The following DDHD1 variants were observed in gnomAD, a reference collection of about 807,000 sequenced individuals.
The protein encoded by DDHD1 is phospholipase DDHD1.
DDHD1 carries 49 observed loss-of-function variants against 96.4 expected under a neutral mutation model. That is an observed-to-expected ratio of 0.51 (90% CI 0.40 to 0.64). The LOEUF (loss-of-function observed/expected upper bound fraction) is 0.64. DDHD1 is among the 30% of genes least tolerant of loss of function. The pLI is 0.00. For synonymous variants in DDHD1, 442 were observed against 446.5 expected, an observed-to-expected ratio of 0.99 and a Z score of 0.13; for missense variants, 1,106 against 1,161.2, an observed-to-expected ratio of 0.95 and a Z score of 0.69.
At chr14:53,053,942 GC>G (rs1327624590) in intron 11 of DDHD1, 2 of 152,238 alleles carry the variant, frequency 1.3e-5, no homozygotes, top group East Asian at 3.8e-4. Flanking sequence ...TTCAATATCT[GC>G]TTTACACTAG....
chr14:53,138,530 G>A (rs1890407256), intron 1 of DDHD1, among the ~76,000 whole-genome samples: 1 of 152,224 alleles, frequency 6.6e-6, no homozygotes, highest in Admixed American at 6.5e-5. Flanking sequence ...TGGCAAAACG[G>A]CTATGAGGAG....
rs754062665 is a variant in DDHD1 at position 53,051,822 on chromosome 14, C to T, written c.2521+22G>A. ...GATCATTTTTATAGTATTCTGAATG[C>T]TATTCCTGACATATACCATACCGAG... On this transcript the variant is annotated intron_variant, in intron 12 of 12. Transcript: ENST00000673822. The T allele has an allele frequency of 1.6e-5, 24 of 1,542,776 alleles. No homozygotes were observed. In the East Asian group the frequency reaches 5.1e-4, roughly 33 times the overall value.
chr14:53,108,375 G>A (rs1423920761), intron 1 of DDHD1, among the ~76,000 whole-genome samples: 1 of 152,110 alleles, frequency 6.6e-6, no homozygotes, highest in African/African-American at 2.4e-5. Flanking sequence ...AACACTCACT[G>A]CATGGCCCAA....
Position 53,104,865 on chromosome 14 carries a change from A to T in DDHD1, c.839-1009T>A, listed in dbSNP as rs145543149. ...ATGCTGGTGGTTTAATCATATAAAG[A>T]GAAATTATTTCAAGTGAATTTAAAA... On this transcript the variant is annotated intron_variant, in intron 1 of 12. Transcript: ENST00000673822. Among the ~76,000 whole-genome samples the T allele has an allele frequency of 2.1e-3, 327 of 152,256 alleles. 1 individual carries two copies. The highest frequency in any genetic ancestry group is 7.4e-3 in the African/African-American group (308 of 41,580).
At chr14:53,065,702 T>A (rs1883957525) in intron 6 of DDHD1, among the ~76,000 whole-genome samples, 1 of 152,178 alleles carries the variant, frequency 6.6e-6, no homozygotes, top group African/African-American at 2.4e-5. Flanking sequence ...TCAGCAATGA[T>A]CTAATTTAAA....
chr14:53,150,428 C>T (rs1000774070), intron 1 of DDHD1, among the ~76,000 whole-genome samples: 1 of 152,196 alleles, frequency 6.6e-6, no homozygotes, highest in African/African-American at 2.4e-5. Flanking sequence ...TTCGCTGAGC[C>T]CATTTCTTCA....
At chr14:53,058,348 C>A in intron 9 of DDHD1, 129 bp downstream of exon 9, 1 of 1,041,422 alleles carries the variant, frequency 9.6e-7, no homozygotes. Flanking sequence ...CTCCTGACCT[C>A]AGATGATGCG....
At chr14:53,123,496 C>T (rs1334014692) in intron 1 of DDHD1, among the ~76,000 whole-genome samples, 1 of 152,024 alleles carries the variant, frequency 6.6e-6, no homozygotes, top group Non-Finnish European at 1.5e-5. Context: ...AACAAACAAA[C>T]CTGCAAACAA....
At chr14:53,113,520 G>C (rs965691000) in intron 1 of DDHD1, among the ~76,000 whole-genome samples, 5 of 151,938 alleles carry the variant, frequency 3.3e-5, no homozygotes, top group Non-Finnish European at 4.4e-5. Flanking sequence ...GCAGAAGGAG[G>C]GTGATTTCTG....
intron 9 of DDHD1, among the ~76,000 whole-genome samples, chr14:53,057,227 G>C (rs144247665): frequency 2.6e-5 from 4 of 152,196 alleles, no homozygotes; most frequent in African/African-American, 9.6e-5. Flanking sequence ...TCCTTTAAAA[G>C]ACTTTCCACA....
rs949562060 is a variant in DDHD1 at position 53,041,140 on chromosome 14, T to C, written c.*5628A>G. ...AGGAGAAAGCAGTAAAGGTCAAGTG[T>C]TAACATACTTGTTTTTCATCTTACT... On this transcript the variant is annotated 3_prime_UTR_variant, in exon 13 of 13. Transcript: ENST00000673822. The C allele has an allele frequency of 6.6e-6, 1 of 152,108 alleles. No homozygotes were observed. Among genetic ancestry groups the C allele is most frequent in the African/African-American group, 2.4e-5 (1 of 41,428 alleles). The allele number at this position is 152,108 out of a possible 1,614,324, so 9.4% of individuals were successfully genotyped here.
intron 1 of DDHD1, among the ~76,000 whole-genome samples, chr14:53,128,477 G>C (rs564063102): frequency 5.3e-5 from 8 of 152,262 alleles, no homozygotes; most frequent in African/African-American, 1.9e-4. Flanking sequence ...AAGGAGCAGG[G>C]TGTTAATGCG....
At chr14:53,136,847 A>G (rs1415096155) in intron 1 of DDHD1, among the ~76,000 whole-genome samples, 7 of 152,246 alleles carry the variant, frequency 4.6e-5, no homozygotes, top group East Asian at 1.9e-4. Context: ...ATAAAACCCA[A>G]AAGTACTAAA....
At chr14:53,144,354 A>G (rs1566606961) in intron 1 of DDHD1, among the ~76,000 whole-genome samples, 1 of 152,260 alleles carries the variant, frequency 6.6e-6, no homozygotes, top group Non-Finnish European at 1.5e-5. Flanking sequence ...ACAGACAGGT[A>G]CACTTGTCTC....
intron 1 of DDHD1, among the ~76,000 whole-genome samples, chr14:53,132,830 T>C (rs1833990835): frequency 6.6e-6 from 1 of 152,230 alleles, no homozygotes; most frequent in South Asian, 2.1e-4. Context: ...AGGGCAACGC[T>C]TCTGCTGATA....
intron 8 of DDHD1, 74 bp downstream of exon 8, chr14:53,061,052 C>T: frequency 3.9e-6 from 5 of 1,289,234 alleles, no homozygotes; most frequent in Non-Finnish European, 5.5e-6. Flanking sequence ...CATTTGAATC[C>T]TAAAGGCATA....
At chr14:53,066,604 C>A (rs1884039792) in intron 6 of DDHD1, among the ~76,000 whole-genome samples, 1 of 152,126 alleles carries the variant, frequency 6.6e-6, no homozygotes, top group African/African-American at 2.4e-5. Context: ...ATAATTTATC[C>A]TAGAATATTG....
intron 1 of DDHD1, among the ~76,000 whole-genome samples, chr14:53,122,881 T>TTA (rs1420609932): frequency 6.6e-6 from 1 of 151,958 alleles, no homozygotes; most frequent in Non-Finnish European, 1.5e-5. Flanking sequence ...ATTCTTTATG[T>TTA]TATACTCTCT....
At chr14:53,135,842 AT>A (rs1379786549) in intron 1 of DDHD1, among the ~76,000 whole-genome samples, 1 of 152,226 alleles carries the variant, frequency 6.6e-6, no homozygotes, top group African/African-American at 2.4e-5. Flanking sequence ...ATTTTCAGAT[AT>A]TGTACAAAAG....
Sources: allele counts gnomAD v4.1 joint callset (sites outside exome capture counted in the v4.1 genomes callset), GRCh38; gene constraint gnomAD v4.1.1; transcripts MANE v1.5; gene names NCBI Gene and HGNC (gene_info 2026-07-23, HGNC 2026-07-21).